FSIP1: variants seen among roughly 807,000 people sequenced by gnomAD.
FSIP1 encodes the protein fibrous sheath interacting protein 1.
FSIP1 carries 65 observed loss-of-function variants against 60.9 expected under a neutral mutation model. That is an observed-to-expected ratio of 1.07 (90% CI 0.87 to 1.31). FSIP1 has a LOEUF of 1.31. FSIP1 is among the 40% of genes most tolerant of loss of function. The pLI is 0.00. For synonymous variants in FSIP1, 209 were observed against 221.2 expected (o/e 0.94, Z 0.49); for missense variants, 675 against 665.5 (o/e 1.01, Z -0.16).
At chr15:39,767,434 A>T (rs1897729876) in intron 3 of FSIP1, among the ~76,000 whole-genome samples, 1 of 152,216 alleles carries the variant, frequency 6.6e-6, no homozygotes, top group African/African-American at 2.4e-5. Flanking sequence ...TTGAGACAGG[A>T]AGGGGACAGG....
chr15:39,694,625 C>T (rs1454973667), intron 10 of FSIP1, among the ~76,000 whole-genome samples: 1 of 151,820 alleles, frequency 6.6e-6, no homozygotes, highest in Non-Finnish European at 1.5e-5. Context: ...ACATGGGGAA[C>T]GCCGTCTCTA....
intron 5 of FSIP1, among the ~76,000 whole-genome samples, chr15:39,742,443 A>G (rs989869814): frequency 3.3e-5 from 5 of 152,156 alleles, no homozygotes; most frequent in Non-Finnish European, 7.4e-5. Flanking sequence ...GTGTTTTTCA[A>G]CTTAACTTTG....
At chr15:39,706,025 A>T (rs1012719133) in intron 10 of FSIP1, among the ~76,000 whole-genome samples, 1 of 152,070 alleles carries the variant, frequency 6.6e-6, no homozygotes, top group Non-Finnish European at 1.5e-5. Flanking sequence ...AAATCTTCTA[A>T]AAGTCTTCTA....
At chr15:39,722,936 A>G (rs1350689325) in intron 9 of FSIP1, among the ~76,000 whole-genome samples, 1 of 143,010 alleles carries the variant, frequency 7.0e-6, no homozygotes, top group African/African-American at 2.7e-5. Flanking sequence ...TCTCTTGAAG[A>G]AAAAAAAAAA....
At chr15:39,764,001 C>A in intron 4 of FSIP1, 87 bp from the exon 5 acceptor site, 1 of 712,870 alleles carries the variant, frequency 1.4e-6, no homozygotes. Flanking sequence ...GGCTCCCAAT[C>A]ACATACGTAC....
At chr15:39,737,964 T>C (rs1896669513) in intron 8 of FSIP1, 127 bp downstream of exon 8, 1 of 588,392 alleles carries the variant, frequency 1.7e-6, no homozygotes, top group East Asian at 3.0e-5. Context: ...AACAGGGTTT[T>C]TTTAAAATCA....
chr15:39,606,926 T>C (rs951995729), intron 11 of FSIP1, among the ~76,000 whole-genome samples: 1 of 152,246 alleles, frequency 6.6e-6, no homozygotes, highest in Non-Finnish European at 1.5e-5. Context: ...GATTAAATAC[T>C]AGACTAACTC....
At chr15:39,668,004 T>C (rs925528704) in intron 10 of FSIP1, among the ~76,000 whole-genome samples, 4 of 152,074 alleles carry the variant, frequency 2.6e-5, no homozygotes, top group Non-Finnish European at 5.9e-5. Flanking sequence ...AGAATGTCTG[T>C]AGAGTGAAGA....
intron 9 of FSIP1, among the ~76,000 whole-genome samples, chr15:39,720,557 A>G (rs1472861528): frequency 6.6e-6 from 1 of 152,240 alleles, no homozygotes; most frequent in Admixed American, 6.5e-5. Flanking sequence ...ACTTCATGAG[A>G]GATGAATAAA....
intron 10 of FSIP1, among the ~76,000 whole-genome samples, chr15:39,662,604 A>T (rs1366359309): frequency 6.6e-6 from 1 of 152,146 alleles, no homozygotes; most frequent in East Asian, 1.9e-4. Context: ...CTAGCCTTCC[A>T]CACTCAACAG....
At chr15:39,660,996 A>G (rs1046674290) in intron 10 of FSIP1, among the ~76,000 whole-genome samples, 3 of 152,248 alleles carry the variant, frequency 2.0e-5, no homozygotes, top group Non-Finnish European at 2.9e-5. Context: ...CCAGGGATGG[A>G]GGTTTCAGTG....
At chr15:39,627,094 C>G (rs1364282375) in intron 10 of FSIP1, among the ~76,000 whole-genome samples, 1 of 152,202 alleles carries the variant, frequency 6.6e-6, no homozygotes, top group Non-Finnish European at 1.5e-5. Context: ...TCCTTACATG[C>G]CCAAGAAGTT....
intron 10 of FSIP1, among the ~76,000 whole-genome samples, chr15:39,653,302 T>C (rs865823318): frequency 1.3e-5 from 2 of 152,096 alleles, no homozygotes; most frequent in South Asian, 2.1e-4. Context: ...CATTACTATA[T>C]ACTAATGTAT....
intron 10 of FSIP1, among the ~76,000 whole-genome samples, chr15:39,662,657 G>C (rs1484660813): frequency 1.3e-5 from 2 of 151,416 alleles, no homozygotes; most frequent in Non-Finnish European, 2.9e-5. Flanking sequence ...CAGCTGGATA[G>C]GGATGATTAT....
chr15:39,669,996 A>G (rs1566877939), intron 10 of FSIP1, among the ~76,000 whole-genome samples: 1 of 152,234 alleles, frequency 6.6e-6, no homozygotes, highest in Non-Finnish European at 1.5e-5. Context: ...CGGAAACTGG[A>G]AATTAATATA....
chr15:39,758,539 T>C (rs1210179711), intron 5 of FSIP1, among the ~76,000 whole-genome samples: 1 of 152,078 alleles, frequency 6.6e-6, no homozygotes, highest in African/African-American at 2.4e-5. Context: ...TATAGTCTCA[T>C]TTCTATGAAG....
chr15:39,687,699 C>A (rs553673928), intron 10 of FSIP1, among the ~76,000 whole-genome samples: 4 of 152,200 alleles, frequency 2.6e-5, no homozygotes, highest in Non-Finnish European at 5.9e-5. Flanking sequence ...TGCCCAAAAC[C>A]TACCCATGGT....
intron 11 of FSIP1, among the ~76,000 whole-genome samples, chr15:39,604,123 G>A (rs918123859): frequency 2.6e-5 from 4 of 152,192 alleles, no homozygotes; most frequent in African/African-American, 9.7e-5. Context: ...TACAGATGGG[G>A]TTTCTCCGTG....
At chr15:39,741,095 C>T (rs1242678912) in intron 6 of FSIP1, among the ~76,000 whole-genome samples, 1 of 152,104 alleles carries the variant, frequency 6.6e-6, no homozygotes, top group Non-Finnish European at 1.5e-5. Context: ...AAGTTGTATA[C>T]AGTCTTTTTA....
Sources: allele counts gnomAD v4.1 joint callset (sites outside exome capture counted in the v4.1 genomes callset), GRCh38; gene constraint gnomAD v4.1.1; transcripts MANE v1.5; gene names NCBI Gene and HGNC (gene_info 2026-07-23, HGNC 2026-07-21).